The following MGAT4C variants were observed in gnomAD, a reference collection of about 807,000 sequenced individuals.
MGAT4C encodes the protein MGAT4 family member C.
In MGAT4C, 19 loss-of-function variants were observed where a neutral mutation model predicts 40.1. The observed-to-expected ratio is 0.47, with a 90% CI of 0.33 to 0.70. MGAT4C has a LOEUF of 0.70. Ranked by LOEUF, MGAT4C falls within the 30% of genes least tolerant of loss-of-function variation. The probability of loss-of-function intolerance (pLI) is 0.02; values close to 1 mark genes in which losing one functional copy is unlikely to be tolerated. For synonymous variants in MGAT4C, 181 were observed against 187.1 expected (o/e 0.97, Z 0.27); for missense variants, 491 against 563.2 (o/e 0.87, Z 1.30).
intron 1 of MGAT4C, among the ~76,000 whole-genome samples, chr12:86,171,605 A>C (rs1486742383): frequency 6.6e-6 from 1 of 152,190 alleles, no homozygotes; most frequent in African/African-American, 2.4e-5. Flanking sequence ...AATGATGTTC[A>C]ATAGCTATTG....
At chr12:86,707,469 G>C (rs1950479242) in intron 2 of MGAT4C, among the ~76,000 whole-genome samples, 1 of 151,816 alleles carries the variant, frequency 6.6e-6, no homozygotes, top group Non-Finnish European at 1.5e-5. Flanking sequence ...CTGGAGATTT[G>C]TGAAACTTTG....
At chr12:86,315,569 G>A (rs960212101) in intron 4 of MGAT4C, among the ~76,000 whole-genome samples, 6 of 152,084 alleles carry the variant, frequency 3.9e-5, no homozygotes, top group Non-Finnish European at 8.8e-5. Flanking sequence ...AGCCGGGCGT[G>A]GTGGCGGGCG....
intron 2 of MGAT4C, among the ~76,000 whole-genome samples, chr12:86,678,325 G>A (rs930697697): frequency 2.0e-5 from 3 of 151,834 alleles, no homozygotes; most frequent in East Asian, 1.9e-4. Context: ...GGCTCAGTAG[G>A]CCTTTTGATT....
chr12:86,529,284 C>T (rs1174723550), intron 2 of MGAT4C, among the ~76,000 whole-genome samples: 2 of 152,028 alleles, frequency 1.3e-5, no homozygotes, highest in African/African-American at 2.4e-5. Flanking sequence ...GATTAAATGT[C>T]ACTCTTATCT....
chr12:86,553,591 C>T (rs1293599609), intron 2 of MGAT4C, among the ~76,000 whole-genome samples: 1 of 152,082 alleles, frequency 6.6e-6, no homozygotes, highest in Non-Finnish European at 1.5e-5. Context: ...TTTAAATTTG[C>T]ACCCTCCAAT....
chr12:85,998,583 C>T (rs922356907), intron 2 of MGAT4C, among the ~76,000 whole-genome samples: 11 of 152,168 alleles, frequency 7.2e-5, no homozygotes, highest in African/African-American at 2.7e-4. Context: ...TACACTAAAT[C>T]ATCTTTCTCA....
chr12:86,551,643 C>A (rs1241063390), intron 2 of MGAT4C, among the ~76,000 whole-genome samples: 1 of 152,156 alleles, frequency 6.6e-6, no homozygotes, highest in African/African-American at 2.4e-5. Flanking sequence ...GTGCCCCCAC[C>A]CAGAGTAACA....
chr12:86,165,359 C>A, intron 1 of MGAT4C, among the ~76,000 whole-genome samples: 1 of 152,128 alleles, frequency 6.6e-6, no homozygotes, highest in Middle Eastern at 3.5e-3. Context: ...TTTAATATCA[C>A]ATGTAATCTA....
intron 3 of MGAT4C, among the ~76,000 whole-genome samples, chr12:86,400,662 A>C (rs1270652065): frequency 6.6e-6 from 1 of 152,222 alleles, no homozygotes; most frequent in East Asian, 1.9e-4. Context: ...TTTAAATTAC[A>C]CTTTTTTGTG....
chr12:86,476,455 G>A (rs1957836884), intron 2 of MGAT4C, among the ~76,000 whole-genome samples: 1 of 152,022 alleles, frequency 6.6e-6, no homozygotes, highest in South Asian at 2.1e-4. Flanking sequence ...TTGGATAAAA[G>A]GGAAAGCTTA....
At chr12:86,610,930 C>A (rs993506328) in intron 2 of MGAT4C, among the ~76,000 whole-genome samples, 1 of 151,984 alleles carries the variant, frequency 6.6e-6, no homozygotes, top group African/African-American at 2.4e-5. Flanking sequence ...TATAAGAAAA[C>A]CTTGGAAATT....
intron 3 of MGAT4C, among the ~76,000 whole-genome samples, chr12:86,420,498 A>G (rs901833098): frequency 1.3e-5 from 2 of 152,180 alleles, no homozygotes; most frequent in African/African-American, 4.8e-5. Flanking sequence ...TTACAGTACC[A>G]TAAAATAGGC....
rs796642321 is a variant in MGAT4C, at chr12:86,592,309, A to G, written c.-229+134900T>C. Among the ~76,000 whole-genome samples, 15 of 152,160 alleles carry G rather than the reference A, an allele frequency of 9.9e-5. No individual in the cohort carries two copies. In the South Asian group the frequency reaches 2.7e-3, roughly 27 times the overall value. On this transcript the variant is annotated intron_variant, in intron 2 of 7. Transcript: ENST00000548651. ...GAAGACATGAATTTCTTTCTACTTT[A>G]TCTACTTACTGTGTGATTTTGAACA...
At chr12:86,431,045 G>A (rs931558613) in intron 3 of MGAT4C, among the ~76,000 whole-genome samples, 1 of 152,176 alleles carries the variant, frequency 6.6e-6, no homozygotes, top group Non-Finnish European at 1.5e-5. Context: ...CTTCAAAAAG[G>A]GAGGAGATTG....
intron 3 of MGAT4C, among the ~76,000 whole-genome samples, chr12:86,336,775 TG>T (rs1488909176): frequency 6.6e-6 from 1 of 151,958 alleles, no homozygotes; most frequent in Non-Finnish European, 1.5e-5. Flanking sequence ...TTCAGTGAAA[TG>T]GGAGGGGTGT....
At chr12:86,461,336 C>G (rs1317888980) in intron 2 of MGAT4C, among the ~76,000 whole-genome samples, 2 of 149,944 alleles carry the variant, frequency 1.3e-5, no homozygotes, top group Non-Finnish European at 3.0e-5. Flanking sequence ...AGCTCCGCTT[C>G]CCGGGTTCAC....
chr12:86,585,278 G>A (rs971092922), intron 2 of MGAT4C, among the ~76,000 whole-genome samples: 2 of 151,112 alleles, frequency 1.3e-5, no homozygotes, highest in Non-Finnish European at 3.0e-5. Context: ...TTATTTGTAG[G>A]ACTGGAAAAA....
Position 85,974,244 on chromosome 12 carries a change from G to T in MGAT4C, c.*5045C>A, listed in dbSNP as rs1883793915. ...CTCTAATGTGCTGTGATTTTCAAAG[G>T]ATGTCATGTATAAAAGATTTGAGTG... On this transcript the variant is annotated 3_prime_UTR_variant, in exon 5 of 5. Transcript: ENST00000611864. 6.6e-6 allele frequency: 1 copy of T among 150,732 alleles called. No individual in the cohort carries two copies. The highest frequency in any genetic ancestry group is 1.5e-5 in the Non-Finnish European group (1 of 67,064). The allele number at this position is 150,732 out of a possible 1,614,324, so 9.3% of individuals were successfully genotyped here.
chr12:86,589,597 C>T (rs1290264494), intron 2 of MGAT4C, among the ~76,000 whole-genome samples: 1 of 148,660 alleles, frequency 6.7e-6, no homozygotes, highest in Admixed American at 6.8e-5. Context: ...AGAGACACAA[C>T]CAAAAAAGAG....
Sources: gnomAD v4.1 joint callset for allele counts (sites outside exome capture counted in the v4.1 genomes callset) on GRCh38, gnomAD v4.1.1 for gene constraint, MANE v1.5 for transcripts, NCBI Gene and HGNC (gene_info 2026-07-23, HGNC 2026-07-21) for gene names.